The following COL5A1 variants were observed in gnomAD, a reference collection of about 807,000 sequenced individuals.
The protein encoded by COL5A1 is collagen alpha-1(V) chain.
A neutral mutation model predicts 263.7 loss-of-function variants in COL5A1; 16 were observed. That is an observed-to-expected ratio of 0.06 (90% CI 0.04 to 0.09). The LOEUF is 0.09. COL5A1 is among the 10% of genes least tolerant of loss of function. The pLI, the probability that COL5A1 is intolerant of heterozygous loss-of-function variation, is 1.00. For missense variants in COL5A1, 2,036 were observed against 2,540.5 expected, an observed-to-expected ratio of 0.80 and a Z score of 4.27; for synonymous variants, 1,012 against 1,004.5, an observed-to-expected ratio of 1.01 and a Z score of -0.14.
chr9:134,747,437 A>T (rs138516317), intron 11 of COL5A1, among the ~76,000 whole-genome samples: 1 of 152,318 alleles, frequency 6.6e-6, no homozygotes, highest in East Asian at 1.9e-4. Context: ...ACAGACACAC[A>T]TGCACACACA....
intron 65 of COL5A1, among the ~76,000 whole-genome samples, chr9:134,838,541 C>T (rs1839920106): frequency 6.6e-6 from 1 of 152,122 alleles, no homozygotes; most frequent in African/African-American, 2.4e-5. Flanking sequence ...GGTTAGCCGC[C>T]CAGTGCTGCA....
intron 1 of COL5A1, chr9:134,649,552 C>T (rs1394973450): frequency 6.4e-6 from 3 of 469,442 alleles, no homozygotes; most frequent in African/African-American, 2.0e-5. Flanking sequence ...GCCAGGACCT[C>T]GGCAATAGGG....
intron 18 of COL5A1, among the ~76,000 whole-genome samples, chr9:134,761,067 G>T (rs980101342): frequency 7.7e-6 from 1 of 129,206 alleles, no homozygotes; most frequent in Non-Finnish European, 1.6e-5. Context: ...ACACCCACAT[G>T]CACACACATG....
Position 134,754,142 on chromosome 9 carries a change from C to G in COL5A1, c.1774-131C>G. 3.0e-6 allele frequency: 3 copies of G among 992,556 alleles called. No individual in the cohort carries two copies. Among genetic ancestry groups the G allele is most frequent in the Non-Finnish European group, 4.7e-6 (3 of 638,940 alleles). 61.5% of individuals were successfully genotyped at this position (992,556 alleles called of 1,614,324 possible). The stretch of plus-strand genomic sequence containing the variant: ...GGGCAGCAGATCCGTGTCCCGTCCC[C>G]GAAGTGCCCACATGTTTGTGGCTTG... On this transcript the variant is annotated intron_variant, in intron 15 of 65. Coordinates refer to ENST00000371817, the MANE Select transcript of COL5A1 (RefSeq NM_000093.5). The surrounding 1 kb of genome is among the most constrained non-coding windows in gnomAD (Gnocchi z 4.3).
rs765255247 is a variant in COL5A1, at chr9:134,758,330, G to T, written c.1935+34G>T. 5.6e-6 allele frequency: 9 copies of T among 1,607,822 alleles called. No individual in the cohort carries two copies. The highest frequency in any genetic ancestry group is 4.5e-5 in the East Asian group (2 of 44,848). On this transcript the variant is annotated intron_variant, in intron 18 of 65. Transcript: ENST00000371817. This position sits in a 1 kb window ranked among gnomAD's most constrained non-coding sequence, Gnocchi z 4.1. ...TTCCTCTGTGAGACACAGGCATGAC[G>T]ATGGGCAGCAGAGGTGTCTCTCGGG...
chr9:134,731,901 C>T (rs373822850), intron 8 of COL5A1, among the ~76,000 whole-genome samples, 170 bp from the exon 9 acceptor site: 2 of 152,228 alleles, frequency 1.3e-5, no homozygotes, highest in Non-Finnish European at 2.9e-5. Context: ...CACATGGGCT[C>T]CCGTGGGCCT....
intron 18 of COL5A1, among the ~76,000 whole-genome samples, chr9:134,760,446 C>CACACA (rs1836332215): frequency 1.2e-4 from 12 of 98,112 alleles, no homozygotes; most frequent in East Asian, 8.7e-4. Context: ...CACACACATG[C>CACACA]ATACACACCC....
In COL5A1 at chr9:134,774,751, C is replaced by T. The variant is rs370398667; in HGVS notation, c.2332-108C>T. On this transcript the variant is annotated intron_variant, in intron 26 of 65. Transcript: ENST00000371817. ...TCTGGAGGCTCTGAGCTGGGATGTT[C>T]GCCCTGCTCTCAGCAGGAGGGGTAT... 6.4e-4 allele frequency: 742 copies of T among 1,164,886 alleles called. 3 individuals carry two copies. Among genetic ancestry groups the T allele is most frequent in the East Asian group, 5.4e-3 (213 of 39,358 alleles). The allele number at this position is 1,164,886 out of a possible 1,614,324, so 72.2% of individuals were successfully genotyped here. A position where few individuals can be genotyped will look rare whatever the true frequency, so the allele number is the denominator to read the frequency against.
At chr9:134,747,985 GCATTCA>G (rs1835618325) in intron 11 of COL5A1, among the ~76,000 whole-genome samples, 1 of 124,732 alleles carries the variant, frequency 8.0e-6, no homozygotes, top group African/African-American at 3.2e-5. Flanking sequence ...ACACACACAT[GCATTCA>G]CACACACATA....
In COL5A1 at chr9:134,803,010, C is replaced by G; in HGVS notation, c.3114+15C>G. On this transcript the variant is annotated intron_variant, in intron 39 of 65. Transcript: ENST00000371817. ...AAGGGACGAAGGTGAGTTTCTGGAG[C>G]CTTCTGTGTCAGCTCAGGCGTTTCC... The G allele has an allele frequency of 5.1e-6, 8 of 1,571,830 alleles. No homozygotes were observed. Among genetic ancestry groups the G allele is most frequent in the Non-Finnish European group, 6.9e-6 (8 of 1,154,168 alleles).
intron 11 of COL5A1, among the ~76,000 whole-genome samples, chr9:134,739,253 T>A (rs1835215596): frequency 6.6e-6 from 1 of 152,222 alleles, no homozygotes; most frequent in Non-Finnish European, 1.5e-5. Context: ...CGGGTGTCCC[T>A]CGCCGCGGGA....
chr9:134,713,354 C>T (rs926501988), intron 4 of COL5A1, among the ~76,000 whole-genome samples: 1 of 152,352 alleles, frequency 6.6e-6, no homozygotes, highest in African/African-American at 2.4e-5. Context: ...GCGCTCCTCC[C>T]TCCCAGTCTG....
intron 1 of COL5A1, among the ~76,000 whole-genome samples, chr9:134,655,378 G>A (rs1197068888): frequency 1.3e-5 from 2 of 151,978 alleles, no homozygotes; most frequent in Non-Finnish European, 2.9e-5. Context: ...CCGGGAGGGT[G>A]GAGGGCGGCT....
At chr9:134,774,803 C>A in intron 26 of COL5A1, 56 bp from the exon 27 acceptor site, 1 of 1,566,014 alleles carries the variant, frequency 6.4e-7, no homozygotes, top group Non-Finnish European at 8.7e-7. Flanking sequence ...TCCTGATGTT[C>A]CCCAGGCACC....
At position 134,716,251 on chromosome 9, in the gene COL5A1, C is replaced by A. The variant is rs375340908; in HGVS notation, c.655-11015C>A. 3.9e-5 allele frequency among the ~76,000 whole-genome samples: 6 copies of A among 152,182 alleles called. No individual in the cohort carries two copies. The highest frequency in any genetic ancestry group is 5.9e-5 in the Non-Finnish European group (4 of 68,034). On this transcript the variant is annotated intron_variant, in intron 4 of 65. Transcript: ENST00000371817. The surrounding 1 kb of genome is among the most constrained non-coding windows in gnomAD (Gnocchi z 4.5). ...TGGAGGCCTGGAGTAATTAGTCATA[C>A]GCTGACATCCTCACAGATGACAAGG...
intron 9 of COL5A1, among the ~76,000 whole-genome samples, chr9:134,737,455 T>A (rs905804555): frequency 1.3e-5 from 2 of 152,120 alleles, no homozygotes; most frequent in African/African-American, 4.8e-5. Flanking sequence ...GTCCCCCAGG[T>A]CCTAGCTTGC....
At chr9:134,760,295 A>C (rs1588515659) in intron 18 of COL5A1, among the ~76,000 whole-genome samples, 8 of 58,464 alleles carry the variant, frequency 1.4e-4, no homozygotes, top group African/African-American at 2.6e-4. Flanking sequence ...ACACACCCCC[A>C]CACCCCCCAC....
intron 57 of COL5A1, among the ~76,000 whole-genome samples, chr9:134,819,565 C>T (rs1036958800): frequency 2.6e-5 from 4 of 152,220 alleles, no homozygotes; most frequent in Admixed American, 6.5e-5. Context: ...TCCACTCTGA[C>T]GTCCGCCACC....
At chr9:134,675,787 G>A (rs541011635) in intron 1 of COL5A1, among the ~76,000 whole-genome samples, 58 of 152,278 alleles carry the variant, frequency 3.8e-4, no homozygotes, top group African/African-American at 1.3e-3. Flanking sequence ...CCCTCCAAGG[G>A]GCTGCTTGAG....
Sources: gnomAD v4.1 joint callset for allele counts (sites outside exome capture counted in the v4.1 genomes callset) on GRCh38, gnomAD v4.1.1 for gene constraint, Gnocchi (gnomAD v3.1) non-coding constraint, MANE v1.5 for transcripts, NCBI Gene and HGNC (gene_info 2026-07-23, HGNC 2026-07-21) for gene names.